Variants in CPQ observed in about 807,000 individuals in gnomAD.
The protein encoded by CPQ is Ser-Met dipeptidase.
Under a neutral mutation model 45.7 loss-of-function variants are expected in CPQ, and 37 were observed. The ratio of observed to expected loss-of-function variants is 0.81; its 90% CI spans 0.62 to 1.07. CPQ has a LOEUF of 1.07. Among genes scored for constraint, CPQ ranks in the 50% least tolerant of loss-of-function variants. CPQ has a pLI of 0.00. For synonymous variants in CPQ, 186 were observed against 205.8 expected (o/e 0.90, Z 0.82); for missense variants, 537 against 572.9 (o/e 0.94, Z 0.64).
At chr8:97,118,961 GTGAT>G (rs1811645456) in intron 7 of CPQ, among the ~76,000 whole-genome samples, 1 of 152,110 alleles carries the variant, frequency 6.6e-6, no homozygotes, top group Non-Finnish European at 1.5e-5. Context: ...GCAGAGTTGA[GTGAT>G]TGTTTTGCAA....
chr8:96,903,557 A>T (rs1427215160), intron 4 of CPQ, among the ~76,000 whole-genome samples: 1 of 152,152 alleles, frequency 6.6e-6, no homozygotes, highest in East Asian at 1.9e-4. Context: ...TCATGTTGCT[A>T]ATAGCAAAAA....
intron 7 of CPQ, among the ~76,000 whole-genome samples, chr8:97,103,983 A>G (rs1420622971): frequency 6.6e-6 from 1 of 152,180 alleles, no homozygotes; most frequent in African/African-American, 2.4e-5. Context: ...TGAGTGCCAC[A>G]CTGGTTGTAA....
intron 1 of CPQ, among the ~76,000 whole-genome samples, chr8:96,682,726 C>T (rs548016072): frequency 6.6e-6 from 1 of 152,264 alleles, no homozygotes; most frequent in African/African-American, 2.4e-5. Flanking sequence ...CAGGTTTTAA[C>T]TTAAAGTCTG....
chr8:97,046,058 C>A (rs1810250374), intron 6 of CPQ, among the ~76,000 whole-genome samples: 1 of 152,170 alleles, frequency 6.6e-6, no homozygotes, highest in Non-Finnish European at 1.5e-5. Flanking sequence ...CTTTCTGCTA[C>A]TCATCTTACT....
intron 6 of CPQ, among the ~76,000 whole-genome samples, chr8:97,043,693 A>G (rs1169399698): frequency 6.6e-6 from 1 of 152,014 alleles, no homozygotes; most frequent in African/African-American, 2.4e-5. Context: ...TGGTGACAAA[A>G]TCTCTCATTT....
At chr8:96,652,778 G>A (rs986690101) in intron 1 of CPQ, among the ~76,000 whole-genome samples, 4 of 152,004 alleles carry the variant, frequency 2.6e-5, no homozygotes, top group Non-Finnish European at 5.9e-5. Flanking sequence ...GACTACCGGC[G>A]CCCGCCACCA....
intron 5 of CPQ, among the ~76,000 whole-genome samples, chr8:97,019,276 C>T (rs953240128): frequency 1.3e-5 from 2 of 152,126 alleles, no homozygotes; most frequent in African/African-American, 4.8e-5. Context: ...AACAGAACCT[C>T]TTTAAAGCAT....
intron 7 of CPQ, among the ~76,000 whole-genome samples, chr8:97,135,187 G>A (rs550129896): frequency 9.2e-5 from 14 of 152,282 alleles, no homozygotes; most frequent in African/African-American, 3.1e-4. Flanking sequence ...GCCCAAGTTT[G>A]GAGATTCTTG....
At chr8:97,082,449 TAAC>T (rs1810966592) in intron 7 of CPQ, among the ~76,000 whole-genome samples, 1 of 152,134 alleles carries the variant, frequency 6.6e-6, no homozygotes, top group Non-Finnish European at 1.5e-5. Flanking sequence ...GTAAATACAA[TAAC>T]CAGCTTTGTT....
rs569237788 is a variant in CPQ, at chr8:96,850,435, G to A, written c.641+15255G>A. 3.3e-5 allele frequency among the ~76,000 whole-genome samples: 5 copies of A among 152,122 alleles called. No homozygotes were observed. The South Asian group carries it at 1.0e-3, about 32-fold the overall frequency. On this transcript the variant is annotated intron_variant, in intron 3 of 7. Transcript: ENST00000220763. ...CTCCATTGCTTATGCACCTCAAGTC[G>A]CTTAGTTCCAGCTGTATCCATAATA...
chr8:97,097,823 A>AG (rs112370236), intron 7 of CPQ, among the ~76,000 whole-genome samples: 2 of 151,256 alleles, frequency 1.3e-5, no homozygotes, highest in African/African-American at 4.9e-5. Flanking sequence ...AGAGAGAGAG[A>AG]AAGAAAGAAC....
chr8:96,663,317 C>T lies in CPQ; in HGVS notation c.-35+17915C>T, dbSNP rs547132516. Among the ~76,000 whole-genome samples the T allele has an allele frequency of 1.1e-4, 8 of 74,374 alleles. No individual in the cohort carries two copies. The South Asian group carries it at 2.4e-3, about 22-fold the overall frequency. 48.8% of individuals were successfully genotyped at this position (74,374 alleles called of 152,430 possible). A position where few individuals can be genotyped will look rare whatever the true frequency, so the allele number is the denominator to read the frequency against. Reference sequence around the variant, plus strand: ...ACAACTCCTCAAACATTTTCATCTGCATACATGACATTAGATTCTCCAAAT... The same window carrying T: ...ACAACTCCTCAAACATTTTCATCTGTATACATGACATTAGATTCTCCAAAT... On this transcript the variant is annotated intron_variant, in intron 1 of 7. Coordinates refer to ENST00000220763, the MANE Select transcript of CPQ (RefSeq NM_016134.4).
chr8:96,869,937 G>A (rs1812044606), intron 3 of CPQ, among the ~76,000 whole-genome samples: 1 of 152,016 alleles, frequency 6.6e-6, no homozygotes, highest in Non-Finnish European at 1.5e-5. Flanking sequence ...CATCTTCAGA[G>A]CACCTACTGT....
intron 3 of CPQ, among the ~76,000 whole-genome samples, chr8:96,867,364 G>A (rs1320288994): frequency 1.3e-5 from 2 of 151,944 alleles, no homozygotes; most frequent in African/African-American, 4.8e-5. Context: ...ATCAGTTTAA[G>A]ACTATTTAGA....
chr8:96,878,968 T>C (rs1198889527), intron 3 of CPQ, among the ~76,000 whole-genome samples: 2 of 152,126 alleles, frequency 1.3e-5, no homozygotes, highest in African/African-American at 4.8e-5. Flanking sequence ...TGTGGGAGGG[T>C]TAGGAGCCAC....
chr8:96,744,653 AT>A (rs56009013), intron 1 of CPQ, among the ~76,000 whole-genome samples: 122 of 151,864 alleles, frequency 8.0e-4, no homozygotes, highest in Non-Finnish European at 1.6e-3. Flanking sequence ...TGTTTTCTTG[AT>A]TTTTCTATAA....
At chr8:97,105,593 T>G (rs1031294934) in intron 7 of CPQ, among the ~76,000 whole-genome samples, 4 of 152,176 alleles carry the variant, frequency 2.6e-5, no homozygotes, top group African/African-American at 9.6e-5. Context: ...CTCCTTTTAC[T>G]AGGAACCTAA....
chr8:97,041,118 A>T (rs1006569100), intron 6 of CPQ, among the ~76,000 whole-genome samples: 10 of 152,254 alleles, frequency 6.6e-5, no homozygotes, highest in African/African-American at 2.4e-4. Flanking sequence ...ACCCATGAGC[A>T]TGGGATGTTC....
At chr8:96,986,459 A>G (rs994364909) in intron 5 of CPQ, among the ~76,000 whole-genome samples, 10 of 152,090 alleles carry the variant, frequency 6.6e-5, no homozygotes, top group African/African-American at 2.2e-4. Context: ...AAAATTTTAT[A>G]CGGATTTTTT....
Sources: allele counts gnomAD v4.1 joint callset (sites outside exome capture counted in the v4.1 genomes callset), GRCh38; gene constraint gnomAD v4.1.1; transcripts MANE v1.5; gene names NCBI Gene and HGNC (gene_info 2026-07-23, HGNC 2026-07-21).